Variants in RIPPLY2 observed in about 807,000 individuals in gnomAD.
RIPPLY2 encodes ripply transcriptional repressor 2, also known as protein ripply2.
RIPPLY2 carries 20 observed loss-of-function variants against 17.7 expected under a neutral mutation model. That is an observed-to-expected ratio of 1.13 (90% CI 0.79 to 1.64). The LOEUF is 1.64. Ranked by LOEUF, RIPPLY2 falls within the 40% of genes most tolerant of loss-of-function variation. The pLI is 0.00. For synonymous variants in RIPPLY2, 69 were observed against 63.9 expected, an observed-to-expected ratio of 1.08 and a Z score of -0.38; for missense variants, 213 against 169.8, an observed-to-expected ratio of 1.25 and a Z score of -1.41.
chr6:83,853,278 GA>G (rs2099454460), upstream of RIPPLY2: 1 of 644,444 alleles, frequency 1.6e-6, no homozygotes, highest in Non-Finnish European at 2.6e-6. Context: ...GGCTAGCAGG[GA>G]GAGGGGCGGA....
chr6:83,853,939 C>T (rs2099454598), intron 2 of RIPPLY2, 158 bp from the exon 3 acceptor site: 3 of 994,160 alleles, frequency 3.0e-6, no homozygotes, highest in South Asian at 2.9e-5. Flanking sequence ...GCGGATGTGT[C>T]CTCTGGAGCG....
intron 3 of RIPPLY2, chr6:83,855,008 G>C (rs1038544188): frequency 6.6e-6 from 1 of 152,264 alleles, no homozygotes; most frequent in African/African-American, 2.4e-5. Context: ...GAAGGGTCAG[G>C]GAAGTGTATA....
rs1206576652 is a variant in RIPPLY2, at chr6:83,853,769, A to C, written c.170A>C (p.Glu57Ala). The change falls in exon 2 of 4, where the codon GAG becomes GCG. Residue 57 changes from glutamate to alanine, a missense_variant. By Grantham distance (107) the Glu-to-Ala change is moderately radical. Coordinates refer to ENST00000369689, the MANE Select transcript of RIPPLY2 (RefSeq NM_001009994.3). ...GAGGAGACGCCGAACCACGCCGCGG[A>C]GGCGGTGAGTGAGCCACGCGTCTCA... ...KEEETPNHAA[E>A]AMPDGPGMTA... The C allele has an allele frequency of 1.2e-6, 2 of 1,612,326 alleles. No individual in the cohort carries two copies. The highest frequency in any genetic ancestry group is 4.5e-5 in the East Asian group (2 of 44,850).
At chr6:83,855,613 T>C (rs2099454876) in intron 3 of RIPPLY2, 1 of 152,240 alleles carries the variant, frequency 6.6e-6, no homozygotes, top group Non-Finnish European at 1.5e-5. Flanking sequence ...ACTTATCATA[T>C]TTAATGTGCC....
Position 83,857,454 on chromosome 6 carries a change from C to T in RIPPLY2, c.*65C>T, listed in dbSNP as rs1336505665. ...GTTTAAATTTAGTGTACAAATGTAT[C>T]ATAATTATTTTAAACTAATTTATTT... On this transcript the variant is annotated 3_prime_UTR_variant, in exon 4 of 4. Transcript: ENST00000369689. The T allele has an allele frequency of 9.9e-7, 1 of 1,015,132 alleles. No homozygotes were observed. Among genetic ancestry groups the T allele is most frequent in the Non-Finnish European group, 1.4e-6 (1 of 731,168 alleles). The allele number at this position is 1,015,132 out of a possible 1,614,324, so 62.9% of individuals were successfully genotyped here.
Position 83,854,139 on chromosome 6 carries a change from T to C in RIPPLY2, c.217T>C (p.Tyr73His), listed in dbSNP as rs760533526. 5.6e-6 allele frequency: 9 copies of C among 1,614,142 alleles called. No homozygotes were observed. In the East Asian group the frequency reaches 2.0e-4, roughly 36 times the overall value. Reference sequence around the variant, plus strand: ...AATGACCGCAGCCTCAGGAAAGCTTTACCAATTCAGGCACCCAGTCAGGTG... The same window carrying C: ...AATGACCGCAGCCTCAGGAAAGCTTCACCAATTCAGGCACCCAGTCAGGTG... ...PGMTAASGKLYQFRHPVRLFW... is the reference protein window; with the variant it reads ...PGMTAASGKLHQFRHPVRLFW... The change falls in exon 3 of 4, where the codon TAC (tyrosine) becomes CAC (histidine). Residue 73 changes from tyrosine (Y) to histidine (H), a missense_variant. Physicochemically the swap from Tyr to His is moderately conservative, Grantham distance 83 (BLOSUM62 2). Transcript: ENST00000369689.
At chr6:83,853,997 G>T in intron 2 of RIPPLY2, 100 bp from the exon 3 acceptor site, 2 of 1,226,904 alleles carry the variant, frequency 1.6e-6, no homozygotes, top group Non-Finnish European at 2.4e-6. Flanking sequence ...AGAGCCCTGG[G>T]GTTACATTCC....
chr6:83,857,032 A>G (rs903692621), intron 3 of RIPPLY2: 14 of 288,966 alleles, frequency 4.8e-5, no homozygotes, highest in African/African-American at 3.0e-4. Flanking sequence ...AGCTTGAATA[A>G]AGATTTACAA....
chr6:83,857,167 C>G, intron 3 of RIPPLY2, 75 bp from the exon 4 acceptor site: 1 of 990,238 alleles, frequency 1.0e-6, no homozygotes. Flanking sequence ...ATATGGAGCT[C>G]TTGAAATTTG....
At chr6:83,853,861 T>A (rs969398754) in intron 2 of RIPPLY2, 88 bp downstream of exon 2, 7 of 1,235,540 alleles carry the variant, frequency 5.7e-6, no homozygotes, top group Non-Finnish European at 6.9e-6. Context: ...GAGAGAGACA[T>A]GCGAGACACC....
chr6:83,854,078 C>T lies in RIPPLY2; in HGVS notation c.175-19C>T, dbSNP rs781698509. ...GAAGGAGGTGGGTGATAACTGGATT[C>T]ACTTCCTTTCCTCTCCAGATGCCCG... On this transcript the variant is annotated intron_variant, in intron 2 of 3. Transcript: ENST00000369689. 3 of 1,611,764 alleles carry T rather than the reference C, an allele frequency of 1.9e-6. No homozygotes were observed. The highest frequency in any genetic ancestry group is 3.3e-5 in the Admixed American group (2 of 60,028).
chr6:83,853,885 C>A, intron 2 of RIPPLY2, 112 bp downstream of exon 2: 1 of 1,078,464 alleles, frequency 9.3e-7, no homozygotes, highest in Non-Finnish European at 1.4e-6. Flanking sequence ...TCCTGCCTCT[C>A]GCTTAACATC....
At position 83,853,413 on chromosome 6, in the gene RIPPLY2, C is replaced by T; in HGVS notation, c.-4C>T. 4 of 1,542,408 alleles carry T rather than the reference C, an allele frequency of 2.6e-6. No homozygotes were observed. The highest frequency in any genetic ancestry group is 2.6e-6 in the Non-Finnish European group (3 of 1,145,970). Reference sequence around the variant, plus strand: ...AGCGGCCTTCCGCCCAGCTCTGCGGCGTCATGGAGAACGCGGGAGGCGCAG... The same window carrying T: ...AGCGGCCTTCCGCCCAGCTCTGCGGTGTCATGGAGAACGCGGGAGGCGCAG... On this transcript the variant is annotated 5_prime_UTR_variant, in exon 1 of 4. Coordinates refer to ENST00000369689, the MANE Select transcript of RIPPLY2 (RefSeq NM_001009994.3).
chr6:83,853,367 C>T lies in RIPPLY2; in HGVS notation c.-50C>T. On this transcript the variant is annotated 5_prime_UTR_variant, in exon 1 of 4. Coordinates refer to ENST00000369689, the MANE Select transcript of RIPPLY2 (RefSeq NM_001009994.3). ...GGGTCTCGGACCTACTGGAACTGGT[C>T]AAGATTGCCCGCGAGCTGGCAGCGG... 6 of 1,488,802 alleles carry T rather than the reference C, an allele frequency of 4.0e-6. No homozygotes were observed. Among genetic ancestry groups the T allele is most frequent in the Admixed American group, 2.0e-5 (1 of 49,086 alleles). 92.2% of individuals were successfully genotyped at this position (1,488,802 alleles called of 1,614,324 possible).
rs2129125886 is a variant in RIPPLY2 at position 83,857,453 on chromosome 6, T to C, written c.*64T>C. 2.9e-6 allele frequency: 3 copies of C among 1,020,394 alleles called. No individual in the cohort carries two copies. Among genetic ancestry groups the C allele is most frequent in the Non-Finnish European group, 4.1e-6 (3 of 734,756 alleles). The allele number at this position is 1,020,394 out of a possible 1,614,324, so 63.2% of individuals were successfully genotyped here. ...GGTTTAAATTTAGTGTACAAATGTATCATAATTATTTTAAACTAATTTATT... is the reference window on the plus strand; with the variant it reads ...GGTTTAAATTTAGTGTACAAATGTACCATAATTATTTTAAACTAATTTATT... On this transcript the variant is annotated 3_prime_UTR_variant, in exon 4 of 4. Transcript: ENST00000369689.
intron 3 of RIPPLY2, chr6:83,854,837 T>C (rs1162769560): frequency 6.6e-6 from 1 of 152,290 alleles, no homozygotes; most frequent in East Asian, 1.9e-4. Context: ...AAATAACACA[T>C]AGAAGTCATT....
intron 3 of RIPPLY2, 28 bp downstream of exon 3, chr6:83,854,189 C>G (rs1311819796): frequency 1.9e-6 from 3 of 1,595,600 alleles, no homozygotes; most frequent in East Asian, 2.2e-5. Flanking sequence ...CCGAAGGTCT[C>G]CCGCTCCTCC....
In RIPPLY2 at chr6:83,857,253, CA is replaced by C; in HGVS notation, c.255del (p.Lys85AsnfsTer16). The stretch of plus-strand genomic sequence containing the variant: ...TCTGCTTCTTTCAGACTATTTTGGC[CA>C]AAATCAAAATGTTATGATTACTTAT... ...QFRHPVRLFWPKSKCYDYLYQ... is the reference protein window; with the variant it reads ...QFRHPVRLFWXKSKCYDYLYQ... On this transcript the variant is annotated frameshift_variant, in exon 4 of 4. Coordinates refer to ENST00000369689, the MANE Select transcript of RIPPLY2 (RefSeq NM_001009994.3). LOFTEE classifies it high-confidence loss of function. The C allele has an allele frequency of 1.3e-6, 2 of 1,498,718 alleles. No homozygotes were observed. The highest frequency in any genetic ancestry group is 1.4e-5 in the South Asian group (1 of 72,152). The allele number at this position is 1,498,718 out of a possible 1,614,324, so 92.8% of individuals were successfully genotyped here. A position where few individuals can be genotyped will look rare whatever the true frequency, so the allele number is the denominator to read the frequency against.
intron 3 of RIPPLY2, 154 bp from the exon 4 acceptor site, chr6:83,857,088 C>T: frequency 2.4e-6 from 1 of 424,156 alleles, no homozygotes; most frequent in Non-Finnish European, 4.2e-6. Flanking sequence ...TCCATGAAGG[C>T]TGTGATAGTA....
Sources: allele counts gnomAD v4.1 joint callset, GRCh38; gene constraint gnomAD v4.1.1; transcripts MANE v1.5; gene names NCBI Gene and HGNC (gene_info 2026-07-23, HGNC 2026-07-21).